The following TSHZ2 variants were observed in gnomAD, a reference collection of about 807,000 sequenced individuals.
The protein encoded by TSHZ2 is teashirt homolog 2.
Under a neutral mutation model 74.4 loss-of-function variants are expected in TSHZ2, and 21 were observed. That is an observed-to-expected ratio of 0.28 (90% confidence interval 0.20 to 0.41). The LOEUF is 0.41. Ranked by LOEUF, TSHZ2 falls within the 10% of genes least tolerant of loss-of-function variation. The probability of loss-of-function intolerance (pLI) is 1.00; values close to 1 mark genes in which losing one functional copy is unlikely to be tolerated. For synonymous variants in TSHZ2, 540 were observed against 515.3 expected (o/e 1.05, Z -0.65); for missense variants, 1,244 against 1,293.5 (o/e 0.96, Z 0.59).
intron 1 of TSHZ2, among the ~76,000 whole-genome samples, chr20:53,006,645 C>G (rs1021277748): frequency 6.6e-6 from 1 of 152,218 alleles, no homozygotes; most frequent in Non-Finnish European, 1.5e-5. Flanking sequence ...TTTCAATTTC[C>G]TAAGCAGCAC....
intron 1 of TSHZ2, among the ~76,000 whole-genome samples, chr20:53,083,037 C>G (rs139022051): frequency 1.1e-3 from 160 of 152,354 alleles, no homozygotes; most frequent in African/African-American, 3.8e-3. Flanking sequence ...ACTCCCCCAG[C>G]TCTGTCTTTG....
intron 1 of TSHZ2, among the ~76,000 whole-genome samples, chr20:53,250,526 A>G (rs1990301528): frequency 6.6e-6 from 1 of 152,156 alleles, no homozygotes; most frequent in African/African-American, 2.4e-5. Flanking sequence ...GCCATTGTTA[A>G]AATACACTCA....
chr20:53,361,904 T>G (rs552502557), intron 2 of TSHZ2, among the ~76,000 whole-genome samples: 57 of 96,124 alleles, frequency 5.9e-4, no homozygotes, highest in Non-Finnish European at 8.7e-4. Flanking sequence ...GTTGTTTGTG[T>G]TGTTGTTGTT....
At chr20:53,418,783 C>G (rs921109074) in intron 2 of TSHZ2, among the ~76,000 whole-genome samples, 5 of 152,122 alleles carry the variant, frequency 3.3e-5, no homozygotes, top group Non-Finnish European at 7.4e-5. Flanking sequence ...TAAGATCAAC[C>G]TGAACCTGAA....
At chr20:52,997,465 G>A (rs553816594) in intron 1 of TSHZ2, among the ~76,000 whole-genome samples, 7 of 152,040 alleles carry the variant, frequency 4.6e-5, no homozygotes, top group Admixed American at 6.5e-5. Flanking sequence ...AGACGAATTC[G>A]TGTTTGTAAG....
At chr20:53,436,068 T>C (rs1984048202) in intron 2 of TSHZ2, among the ~76,000 whole-genome samples, 2 of 152,220 alleles carry the variant, frequency 1.3e-5, no homozygotes, top group Admixed American at 6.5e-5. Context: ...CATATTGTTA[T>C]GATCATCAGG....
chr20:53,329,810 AAGAAAG>A (rs968947188), intron 2 of TSHZ2, among the ~76,000 whole-genome samples: 5 of 152,132 alleles, frequency 3.3e-5, no homozygotes, highest in African/African-American at 1.2e-4. Context: ...ACTGGAGGAA[AAGAAAG>A]AGAAAGAGAG....
intron 2 of TSHZ2, among the ~76,000 whole-genome samples, chr20:53,352,464 T>C (rs1372197303): frequency 6.6e-6 from 1 of 151,878 alleles, no homozygotes; most frequent in Non-Finnish European, 1.5e-5. Context: ...ATCAAAGGGA[T>C]TTGAAGCCTT....
intron 2 of TSHZ2, among the ~76,000 whole-genome samples, chr20:53,298,958 G>A (rs1234359583): frequency 6.6e-6 from 1 of 152,190 alleles, no homozygotes. Flanking sequence ...TGTCCCAAAA[G>A]GGCTTGTGGG....
At chr20:53,037,415 T>A (rs1431444265) in intron 1 of TSHZ2, among the ~76,000 whole-genome samples, 1 of 152,180 alleles carries the variant, frequency 6.6e-6, no homozygotes, top group East Asian at 1.9e-4. Context: ...CTTAAAAACG[T>A]GAAAAGACAT....
chr20:53,452,416 G>A (rs1456505545), intron 2 of TSHZ2, among the ~76,000 whole-genome samples: 2 of 152,108 alleles, frequency 1.3e-5, no homozygotes, highest in African/African-American at 2.4e-5. Flanking sequence ...CCTGGCCAAC[G>A]TGGTGAAACC....
At chr20:53,291,992 T>TA (rs1991286385) in intron 2 of TSHZ2, among the ~76,000 whole-genome samples, 1 of 139,562 alleles carries the variant, frequency 7.2e-6, no homozygotes, top group Non-Finnish European at 1.5e-5. Flanking sequence ...AGGATAGCAT[T>TA]TAAAAAAAAA....
chr20:53,211,960 G>A (rs1989317225), intron 1 of TSHZ2, among the ~76,000 whole-genome samples: 1 of 152,094 alleles, frequency 6.6e-6, no homozygotes, highest in Non-Finnish European at 1.5e-5. Flanking sequence ...ATTATAGGAG[G>A]GGTCCATGAA....
chr20:53,143,868 G>C (rs1017859617), intron 1 of TSHZ2, among the ~76,000 whole-genome samples: 2 of 152,166 alleles, frequency 1.3e-5, no homozygotes, highest in Non-Finnish European at 2.9e-5. Flanking sequence ...AGAGCTGGCT[G>C]TATGGGAGCC....
intron 1 of TSHZ2, among the ~76,000 whole-genome samples, chr20:53,125,833 T>C (rs531333684): frequency 1.1e-4 from 16 of 152,308 alleles, no homozygotes; most frequent in African/African-American, 3.8e-4. Flanking sequence ...ATTACAACAA[T>C]TTTGAAATAG....
chr20:53,021,966 A>G (rs1021017917), intron 1 of TSHZ2, among the ~76,000 whole-genome samples: 1 of 152,142 alleles, frequency 6.6e-6, no homozygotes, highest in African/African-American at 2.4e-5. Context: ...TTCCAAAAAG[A>G]ATTTGAGGAG....
At chr20:53,263,071 T>G (rs1047427012) in intron 2 of TSHZ2, among the ~76,000 whole-genome samples, 1 of 152,238 alleles carries the variant, frequency 6.6e-6, no homozygotes, top group Non-Finnish European at 1.5e-5. Context: ...TTTGTTTACT[T>G]GCAGGAGGCA....
At chr20:53,425,633 G>A (rs1377497129) in intron 2 of TSHZ2, among the ~76,000 whole-genome samples, 1 of 152,154 alleles carries the variant, frequency 6.6e-6, no homozygotes, top group Non-Finnish European at 1.5e-5. Flanking sequence ...AACATTTCAG[G>A]TCTTGCAGGT....
At chr20:53,191,141 T>C (rs1988727815) in intron 1 of TSHZ2, among the ~76,000 whole-genome samples, 1 of 151,984 alleles carries the variant, frequency 6.6e-6, no homozygotes, top group South Asian at 2.1e-4. Context: ...TATACACACG[T>C]ATACATACAC....
Sources: allele counts gnomAD v4.1 joint callset (sites outside exome capture counted in the v4.1 genomes callset), GRCh38; gene constraint gnomAD v4.1.1; transcripts MANE v1.5; gene names NCBI Gene and HGNC (gene_info 2026-07-23, HGNC 2026-07-21).